XKR4: variants seen among roughly 807,000 people sequenced by gnomAD.
The protein encoded by XKR4 is XK related 4.
Under a neutral mutation model 53.9 loss-of-function variants are expected in XKR4, and 12 were observed. That is an observed-to-expected ratio of 0.22 (90% CI 0.14 to 0.36). The LOEUF is 0.36. Among genes scored for constraint, XKR4 ranks in the 10% least tolerant of loss-of-function variants. XKR4 has a pLI of 1.00. For synonymous variants in XKR4, 354 were observed against 362.4 expected, an observed-to-expected ratio of 0.98 and a Z score of 0.26; for missense variants, 799 against 859.5, an observed-to-expected ratio of 0.93 and a Z score of 0.88.
chr8:55,164,273 G>A (rs1389841650), intron 1 of XKR4: 4 of 456,088 alleles, frequency 8.8e-6, no homozygotes, highest in Non-Finnish European at 1.8e-5. Flanking sequence ...CTCTTTGCCT[G>A]ACCCTCGTCC....
intron 2 of XKR4, among the ~76,000 whole-genome samples, chr8:55,488,375 A>C (rs959937870): frequency 6.6e-6 from 1 of 152,242 alleles, no homozygotes; most frequent in Non-Finnish European, 1.5e-5. Context: ...ACTCCTACAA[A>C]AATGTGCACA....
chr8:55,114,653 A>G (rs191804273), intron 1 of XKR4, among the ~76,000 whole-genome samples: 1 of 152,298 alleles, frequency 6.6e-6, no homozygotes. Flanking sequence ...CTGAAGAGAA[A>G]TTTGTTTGAT....
intron 1 of XKR4, among the ~76,000 whole-genome samples, chr8:55,253,981 A>G (rs1292913484): frequency 6.6e-6 from 1 of 151,676 alleles, no homozygotes; most frequent in Non-Finnish European, 1.5e-5. Flanking sequence ...TGGCCCCCCA[A>G]AGTGCTGGAA....
In XKR4 at chr8:55,378,086, G is replaced by A. The variant is rs562434429; in HGVS notation, c.1006+20209G>A. ...ATGTTTTTGTTTGTCCCCATGAACA[G>A]TGTGAATGTTGGGAAAAGGAGATCT... On this transcript the variant is annotated intron_variant, in intron 2 of 2. Coordinates refer to ENST00000327381, the MANE Select transcript of XKR4 (RefSeq NM_052898.2). 2.6e-5 allele frequency among the ~76,000 whole-genome samples: 4 copies of A among 152,354 alleles called. No individual in the cohort carries two copies. In the South Asian group the frequency reaches 8.3e-4, roughly 32 times the overall value.
intron 2 of XKR4, chr8:55,520,984 A>G (rs1806788347): frequency 6.6e-6 from 1 of 152,256 alleles, no homozygotes; most frequent in African/African-American, 2.4e-5. Flanking sequence ...CTTCCTGTGC[A>G]AACTGGTAGA....
intron 1 of XKR4, among the ~76,000 whole-genome samples, chr8:55,329,283 T>C (rs1024930115): frequency 6.6e-6 from 1 of 152,152 alleles, no homozygotes; most frequent in Non-Finnish European, 1.5e-5. Context: ...TAAGCTTGTT[T>C]AACCCAATGC....
intron 1 of XKR4, among the ~76,000 whole-genome samples, chr8:55,280,723 T>TTAGATTTTA (rs1395305478): frequency 1.3e-5 from 2 of 152,190 alleles, no homozygotes; most frequent in Non-Finnish European, 2.9e-5. Flanking sequence ...ATTTTAGATG[T>TTAGATTTTA]GAAAACATAA....
At chr8:55,481,020 A>C (rs1027367773) in intron 2 of XKR4, among the ~76,000 whole-genome samples, 3 of 152,194 alleles carry the variant, frequency 2.0e-5, no homozygotes, top group African/African-American at 7.2e-5. Context: ...GCTACCAATG[A>C]CTTTCTTCAC....
chr8:55,340,965 T>C (rs953215800), intron 1 of XKR4, among the ~76,000 whole-genome samples: 1 of 152,002 alleles, frequency 6.6e-6, no homozygotes, highest in African/African-American at 2.4e-5. Context: ...AAAAGAAGAA[T>C]CAAGACACAG....
At chr8:55,367,973 T>C (rs1804017259) in intron 2 of XKR4, among the ~76,000 whole-genome samples, 1 of 152,124 alleles carries the variant, frequency 6.6e-6, no homozygotes, top group Admixed American at 6.5e-5. Flanking sequence ...TGTTTTTTGT[T>C]TTTTTGAGAC....
intron 2 of XKR4, among the ~76,000 whole-genome samples, chr8:55,408,254 G>C (rs185542778): frequency 6.6e-6 from 1 of 152,300 alleles, no homozygotes; most frequent in Admixed American, 6.5e-5. Flanking sequence ...AACGACCCTT[G>C]GAAGTTGGTA....
chr8:55,500,913 C>T (rs1397791268), intron 2 of XKR4, among the ~76,000 whole-genome samples: 1 of 152,162 alleles, frequency 6.6e-6, no homozygotes, highest in Non-Finnish European at 1.5e-5. Flanking sequence ...ACACACATGC[C>T]TACAAGTAAC....
intron 1 of XKR4, among the ~76,000 whole-genome samples, chr8:55,299,981 G>A (rs566676990): frequency 2.0e-5 from 3 of 152,262 alleles, no homozygotes; most frequent in African/African-American, 7.2e-5. Context: ...GGAGAGGGAG[G>A]CCTTCTGGGA....
chr8:55,271,246 A>G (rs1056554279), intron 1 of XKR4, among the ~76,000 whole-genome samples: 1 of 152,182 alleles, frequency 6.6e-6, no homozygotes, highest in African/African-American at 2.4e-5. Flanking sequence ...GGCTTCCTTT[A>G]TAGTTCAACA....
chr8:55,232,583 C>CA (rs930769747), intron 1 of XKR4, among the ~76,000 whole-genome samples: 1 of 152,118 alleles, frequency 6.6e-6, no homozygotes, highest in African/African-American at 2.4e-5. Context: ...TATGAACATA[C>CA]AAAAAATCAT....
At chr8:55,447,055 GA>G (rs5891573) in intron 2 of XKR4, among the ~76,000 whole-genome samples, 5,593 of 132,266 alleles carry the variant, frequency 0.042, 215 homozygotes, top group African/African-American at 0.11. Flanking sequence ...ACCTGATTGG[GA>G]AAAAAAAAAA....
rs1373468141 is a variant in XKR4 at position 55,535,941 on chromosome 8, T to TAAGGTATTCC, written c.*11723_*11732dup. ...GGAGAGCTTCTCGTGGGTTCTAAGATAAGGTATTCCAAGGTATTGTAAGTT... is the reference window on the plus strand; with the variant it reads ...GGAGAGCTTCTCGTGGGTTCTAAGATAAGGTATTCCAAGGTATTCCAAGGTATTGTAAGTT... On this transcript the variant is annotated 3_prime_UTR_variant, in exon 3 of 3. Transcript: ENST00000327381. The TAAGGTATTCC allele has an allele frequency of 1.3e-5, 2 of 152,216 alleles. No individual in the cohort carries two copies. Among genetic ancestry groups the TAAGGTATTCC allele is most frequent in the African/African-American group, 2.4e-5 (1 of 41,446 alleles). The allele number at this position is 152,216 out of a possible 1,614,324, so 9.4% of individuals were successfully genotyped here. A position where few individuals can be genotyped will look rare whatever the true frequency, so the allele number is the denominator to read the frequency against.
At chr8:55,429,976 AATGAT>A (rs1255489169) in intron 2 of XKR4, among the ~76,000 whole-genome samples, 1 of 152,202 alleles carries the variant, frequency 6.6e-6, no homozygotes, top group Non-Finnish European at 1.5e-5. Context: ...GACATGGGCA[AATGAT>A]ATGAAGAGAC....
intron 1 of XKR4, among the ~76,000 whole-genome samples, chr8:55,231,458 A>G (rs1254527805): frequency 4.6e-5 from 7 of 152,086 alleles, no homozygotes; most frequent in African/African-American, 1.7e-4. Context: ...TTTTGCTTTT[A>G]TCTTATTTTA....
Sources: gnomAD v4.1 joint callset for allele counts (sites outside exome capture counted in the v4.1 genomes callset) on GRCh38, gnomAD v4.1.1 for gene constraint, MANE v1.5 for transcripts, NCBI Gene and HGNC (gene_info 2026-07-23, HGNC 2026-07-21) for gene names.